CUBN: variants seen among roughly 807,000 people sequenced by gnomAD.
CUBN encodes 460 kDa receptor.
In CUBN, 282 loss-of-function variants were observed where a neutral mutation model predicts 405.3. The ratio of observed to expected loss-of-function variants is 0.70; its 90% CI spans 0.63 to 0.77. The LOEUF is 0.77. Among genes scored for constraint, CUBN ranks in the 30% least tolerant of loss-of-function variants. The pLI is 0.00. For synonymous variants in CUBN, 1,684 were observed against 1,617.0 expected (o/e 1.04, Z -0.99); for missense variants, 4,514 against 4,475.2 (o/e 1.01, Z -0.25).
chr10:16,950,139 G>A (rs199783594), intron 33 of CUBN, 28 bp from the exon 34 acceptor site: 28 of 1,511,934 alleles, frequency 1.9e-5, no homozygotes, highest in South Asian at 1.1e-4. Flanking sequence ...AGACTCTCTC[G>A]TAAAGTACTG....
At chr10:16,981,806 C>CT (rs1564460471) in intron 31 of CUBN, among the ~76,000 whole-genome samples, 2 of 152,152 alleles carry the variant, frequency 1.3e-5, no homozygotes, top group Non-Finnish European at 2.9e-5. Context: ...GTCAAGGAAA[C>CT]CCTCCCATCT....
chr10:17,082,077 G>A (rs1246115795), intron 17 of CUBN, among the ~76,000 whole-genome samples: 1 of 152,132 alleles, frequency 6.6e-6, no homozygotes, highest in Non-Finnish European at 1.5e-5. Flanking sequence ...CACATCGGCT[G>A]TCTCTGAACT....
In CUBN at chr10:16,835,220, A is replaced by T. The variant is rs761048540; in HGVS notation, c.10181-25T>A. 2.6e-6 allele frequency: 4 copies of T among 1,567,940 alleles called. No individual in the cohort carries two copies. The East Asian group carries it at 9.0e-5, about 35-fold the overall frequency. ...TCTTAGAGGAAAAATAGGCATAATTAATGTACGCATTCCAATATTTAGTGC... is the reference window on the plus strand; with the variant it reads ...TCTTAGAGGAAAAATAGGCATAATTTATGTACGCATTCCAATATTTAGTGC... On this transcript the variant is annotated intron_variant, in intron 63 of 66. Coordinates refer to ENST00000377833, the MANE Select transcript of CUBN (RefSeq NM_001081.4).
intron 60 of CUBN, among the ~76,000 whole-genome samples, chr10:16,847,217 C>G (rs1457278429): frequency 1.3e-5 from 2 of 152,128 alleles, no homozygotes; most frequent in Non-Finnish European, 2.9e-5. Flanking sequence ...CTTTGGGAGG[C>G]CGAGGCGGGC....
intron 28 of CUBN, among the ~76,000 whole-genome samples, chr10:17,009,010 G>A (rs559502016): frequency 6.6e-5 from 10 of 152,112 alleles, no homozygotes; most frequent in Non-Finnish European, 1.3e-4. Flanking sequence ...GGAAGAGCTC[G>A]CCCTCTCTGT....
At chr10:16,856,699 G>A (rs1839878985) in intron 59 of CUBN, among the ~76,000 whole-genome samples, 1 of 152,174 alleles carries the variant, frequency 6.6e-6, no homozygotes, top group South Asian at 2.1e-4. Flanking sequence ...TGTCTGGATA[G>A]TATCTCTGCC....
intron 14 of CUBN, among the ~76,000 whole-genome samples, chr10:17,089,631 T>G (rs1836207167): frequency 6.6e-6 from 1 of 152,180 alleles, no homozygotes. Flanking sequence ...ATAGACATTC[T>G]CACACATTGC....
chr10:16,846,837 G>C (rs1209349595), intron 60 of CUBN, among the ~76,000 whole-genome samples: 2 of 150,132 alleles, frequency 1.3e-5, no homozygotes, highest in Admixed American at 1.3e-4. Flanking sequence ...AAAAGAAAAA[G>C]AAAAAGAAAA....
At chr10:16,857,121 T>G (rs1429355533) in intron 59 of CUBN, among the ~76,000 whole-genome samples, 4 of 152,198 alleles carry the variant, frequency 2.6e-5, no homozygotes, top group African/African-American at 9.7e-5. Context: ...CTCCCTAATC[T>G]CCAATGTGTA....
In CUBN at chr10:17,044,819, G is replaced by A. The variant is rs76600859; in HGVS notation, c.3672+188C>T. On this transcript the variant is annotated intron_variant, in intron 25 of 66. Transcript: ENST00000377833. ...ATATATTTTAAATACTTAGTGTATC[G>A]AGCCATTGAGTACTTCGAAGATGGT... Among the ~76,000 whole-genome samples the A allele has an allele frequency of 0.03, 4,614 of 151,946 alleles. 76 individuals are homozygous for A. Among genetic ancestry groups the A allele is most frequent in the East Asian group, 0.064 (329 of 5,176 alleles).
chr10:17,122,736 G>C (rs1837071768), intron 6 of CUBN, 59 bp downstream of exon 6: 1 of 971,974 alleles, frequency 1.0e-6, no homozygotes, highest in Admixed American at 1.9e-5. Flanking sequence ...CTTAACTATG[G>C]GATGTTTTAG....
intron 48 of CUBN, among the ~76,000 whole-genome samples, chr10:16,908,648 C>T (rs1054347539): frequency 6.6e-6 from 1 of 152,102 alleles, no homozygotes; most frequent in African/African-American, 2.4e-5. Flanking sequence ...AATTCGCAAA[C>T]TATTCTTCCA....
chr10:16,977,539 A>T (rs1833134957), intron 31 of CUBN, among the ~76,000 whole-genome samples: 1 of 152,084 alleles, frequency 6.6e-6, no homozygotes. Context: ...CTCCCCATCC[A>T]TCCCACTGGG....
chr10:17,008,430 G>GTGTGTGTA (rs1564475638), intron 28 of CUBN, among the ~76,000 whole-genome samples: 1 of 50,034 alleles, frequency 2.0e-5, no homozygotes, highest in East Asian at 7.4e-4. Flanking sequence ...ATCCCTGCTC[G>GTGTGTGTA]TGTGTGTGTG....
At chr10:17,094,606 A>G (rs1836333562) in intron 14 of CUBN, among the ~76,000 whole-genome samples, 1 of 152,148 alleles carries the variant, frequency 6.6e-6, no homozygotes, top group African/African-American at 2.4e-5. Context: ...ATTTCTATAC[A>G]TTAACAACTA....
chr10:17,107,235 A>C (rs1836655897), intron 10 of CUBN, among the ~76,000 whole-genome samples: 2 of 152,200 alleles, frequency 1.3e-5, no homozygotes, highest in Admixed American at 1.3e-4. Context: ...AATTTTACTA[A>C]ATTTAATATC....
chr10:17,041,273 C>A, intron 26 of CUBN, 53 bp from the exon 27 acceptor site: 1 of 1,433,690 alleles, frequency 7.0e-7, no homozygotes, highest in Non-Finnish European at 9.8e-7. Context: ...CATAAGTGCT[C>A]CAAGATGAGA....
chr10:17,110,908 C>G lies in CUBN; in HGVS notation c.1015+11G>C, dbSNP rs768426984. 1.9e-6 allele frequency: 3 copies of G among 1,614,104 alleles called. No homozygotes were observed. The highest frequency in any genetic ancestry group is 2.2e-5 in the South Asian group (2 of 91,078). On this transcript the variant is annotated intron_variant, in intron 9 of 66. Coordinates refer to ENST00000377833, the MANE Select transcript of CUBN (RefSeq NM_001081.4). ...TGGGGTCAGGAGGTTGACATTGAAC[C>G]GAGGCAGCACCTGGTGGACAGGCCT...
At chr10:16,967,006 G>A (rs1285392482) in intron 31 of CUBN, among the ~76,000 whole-genome samples, 1 of 152,204 alleles carries the variant, frequency 6.6e-6, no homozygotes, top group South Asian at 2.1e-4. Flanking sequence ...GAAACATTAA[G>A]TGATAGGGAG....
Sources: gnomAD v4.1 joint callset for allele counts (sites outside exome capture counted in the v4.1 genomes callset) on GRCh38, gnomAD v4.1.1 for gene constraint, MANE v1.5 for transcripts, NCBI Gene and HGNC (gene_info 2026-07-23, HGNC 2026-07-21) for gene names.